LUZP2: variants seen among roughly 807,000 people sequenced by gnomAD.
LUZP2 encodes leucine zipper protein 2.
LUZP2 carries 52 observed loss-of-function variants against 51.6 expected under a neutral mutation model. The ratio of observed to expected loss-of-function variants is 1.01; its 90% CI spans 0.81 to 1.27. The LOEUF is 1.27. Among genes scored for constraint, LUZP2 ranks in the 50% most tolerant of loss-of-function variants. LUZP2 has a pLI of 0.00. For synonymous variants in LUZP2, 154 were observed against 137.3 expected (o/e 1.12, Z -0.85); for missense variants, 436 against 395.4 (o/e 1.10, Z -0.87).
intron 1 of LUZP2, among the ~76,000 whole-genome samples, chr11:24,697,854 A>T (rs1172384996): frequency 6.6e-6 from 1 of 152,154 alleles, no homozygotes; most frequent in Non-Finnish European, 1.5e-5. Flanking sequence ...GATATTTTTC[A>T]GACTTTTGCA....
intron 7 of LUZP2, among the ~76,000 whole-genome samples, chr11:24,972,688 G>GT (rs566031914): frequency 1.0e-3 from 158 of 151,654 alleles, no homozygotes; most frequent in African/African-American, 3.6e-3. Flanking sequence ...AATCATGTGG[G>GT]TTTTTTTTCT....
At chr11:24,901,943 C>G (rs1853293639) in intron 5 of LUZP2, among the ~76,000 whole-genome samples, 3 of 152,194 alleles carry the variant, frequency 2.0e-5, no homozygotes, top group Non-Finnish European at 4.4e-5. Flanking sequence ...TACAAGTAAA[C>G]ATGATAAACA....
chr11:24,616,090 G>T (rs1002416523), intron 1 of LUZP2, among the ~76,000 whole-genome samples: 10 of 151,430 alleles, frequency 6.6e-5, no homozygotes, highest in African/African-American at 2.4e-4. Context: ...GGCATATGTG[G>T]TTGGCAAATA....
At chr11:24,572,291 T>C (rs1456092179) in intron 1 of LUZP2, among the ~76,000 whole-genome samples, 1 of 152,064 alleles carries the variant, frequency 6.6e-6, no homozygotes. Context: ...ATCTACAGAC[T>C]CAATTTGTTA....
intron 5 of LUZP2, among the ~76,000 whole-genome samples, chr11:24,774,309 T>G (rs1848839700): frequency 7.1e-6 from 1 of 140,036 alleles, no homozygotes; most frequent in African/African-American, 2.7e-5. Flanking sequence ...TTGTGTGAGT[T>G]AATGAGTTAA....
intron 9 of LUZP2, among the ~76,000 whole-genome samples, chr11:25,022,856 G>A (rs1857380390): frequency 6.6e-6 from 1 of 152,098 alleles, no homozygotes; most frequent in Non-Finnish European, 1.5e-5. Flanking sequence ...TTTCTGGCAT[G>A]AAAGGCTGTT....
At chr11:24,541,740 A>T (rs1851371372) in intron 1 of LUZP2, among the ~76,000 whole-genome samples, 1 of 152,126 alleles carries the variant, frequency 6.6e-6, no homozygotes, top group Non-Finnish European at 1.5e-5. Context: ...TATGCCACAT[A>T]ATCTCAGATG....
At chr11:24,961,950 CA>C (rs1384132141) in intron 7 of LUZP2, among the ~76,000 whole-genome samples, 1 of 151,686 alleles carries the variant, frequency 6.6e-6, no homozygotes, top group Non-Finnish European at 1.5e-5. Flanking sequence ...CTGGTGGTGA[CA>C]AAATCTCTCA....
chr11:24,788,483 C>G (rs1590528821), intron 5 of LUZP2, among the ~76,000 whole-genome samples: 1 of 152,116 alleles, frequency 6.6e-6, no homozygotes, highest in South Asian at 2.1e-4. Flanking sequence ...CCACTGTGCC[C>G]AGCCCAGATG....
intron 1 of LUZP2, among the ~76,000 whole-genome samples, chr11:24,544,266 G>A (rs1365762123): frequency 6.6e-6 from 1 of 151,986 alleles, no homozygotes; most frequent in Non-Finnish European, 1.5e-5. Flanking sequence ...AGTAGTGGTA[G>A]GCTAACATTC....
At chr11:24,738,024 T>G (rs1398981169) in intron 3 of LUZP2, among the ~76,000 whole-genome samples, 197 bp from the exon 4 acceptor site, 1 of 152,114 alleles carries the variant, frequency 6.6e-6, no homozygotes, top group Non-Finnish European at 1.5e-5. Context: ...AACTTGCTTT[T>G]AATATTTGCA....
chr11:25,014,019 G>A (rs1857062603), intron 9 of LUZP2, among the ~76,000 whole-genome samples: 1 of 151,912 alleles, frequency 6.6e-6, no homozygotes, highest in African/African-American at 2.4e-5. Flanking sequence ...TTGTCCCTGC[G>A]ATAGTTTGCT....
Position 24,637,941 on chromosome 11 carries a change from T to G in LUZP2, c.63-91228T>G, listed in dbSNP as rs1357526825. ...CCCTTCTAAAATCCCTAATAAAAACTTACTGGTTTTGCAGCTCAGGGTCAC... is the reference window on the plus strand; with the variant it reads ...CCCTTCTAAAATCCCTAATAAAAACGTACTGGTTTTGCAGCTCAGGGTCAC... On this transcript the variant is annotated intron_variant, in intron 1 of 11. Coordinates refer to ENST00000336930, the MANE Select transcript of LUZP2 (RefSeq NM_001009909.4). Among the ~76,000 whole-genome samples, 8 of 151,918 alleles carry G rather than the reference T, an allele frequency of 5.3e-5. No individual in the cohort carries two copies. The East Asian group carries it at 1.2e-3, about 22-fold the overall frequency.
chr11:24,606,603 T>C (rs1484318416), intron 1 of LUZP2, among the ~76,000 whole-genome samples: 1 of 151,952 alleles, frequency 6.6e-6, no homozygotes, highest in Non-Finnish European at 1.5e-5. Context: ...GCAGTGAACA[T>C]GGGGGTGAGG....
At position 25,050,062 on chromosome 11, in the gene LUZP2, A is replaced by G. The variant is rs762515382; in HGVS notation, c.790A>G (p.Asn264Asp). The change falls in exon 10 of 12, where the codon AAT becomes GAT. Residue 264 changes from asparagine (N) to aspartate (D), a missense_variant. Coordinates refer to ENST00000336930, the MANE Select transcript of LUZP2 (RefSeq NM_001009909.4). ...GCCTCAACAAAGTGCTTCTGGAAAC[A>G]ATGAGAGCTCTCAAGTTGAGTCAAC... ...SKPQQSASGN[N>D]ESSQVESTKE... 2 of 1,598,732 alleles carry G rather than the reference A, an allele frequency of 1.3e-6. No homozygotes were observed. Among genetic ancestry groups the G allele is most frequent in the African/African-American group, 2.7e-5 (2 of 74,208 alleles).
At chr11:25,040,887 A>G (rs950301344) in intron 9 of LUZP2, among the ~76,000 whole-genome samples, 2 of 152,150 alleles carry the variant, frequency 1.3e-5, no homozygotes, top group Admixed American at 1.3e-4. Flanking sequence ...TGATTCCTGG[A>G]GAGTCCACTG....
At chr11:24,548,537 C>T (rs1170778123) in intron 1 of LUZP2, among the ~76,000 whole-genome samples, 1 of 151,928 alleles carries the variant, frequency 6.6e-6, no homozygotes, top group African/African-American at 2.4e-5. Context: ...GCAATAGACA[C>T]CAGTGACTAC....
At chr11:25,067,970 G>C (rs1336692367) in intron 10 of LUZP2, among the ~76,000 whole-genome samples, 1 of 152,070 alleles carries the variant, frequency 6.6e-6, no homozygotes, top group Non-Finnish European at 1.5e-5. Flanking sequence ...ATGCACCATG[G>C]AATACTATGC....
chr11:24,959,947 G>GT (rs1855342350), intron 7 of LUZP2, among the ~76,000 whole-genome samples: 1 of 152,162 alleles, frequency 6.6e-6, no homozygotes, highest in Non-Finnish European at 1.5e-5. Context: ...TTTATTGAGA[G>GT]TTTTTAGCAT....
Sources: allele counts gnomAD v4.1 joint callset (sites outside exome capture counted in the v4.1 genomes callset), GRCh38; gene constraint gnomAD v4.1.1; transcripts MANE v1.5; gene names NCBI Gene and HGNC (gene_info 2026-07-23, HGNC 2026-07-21).